The following PKP4 variants were observed in gnomAD, a reference collection of about 807,000 sequenced individuals.
The protein encoded by PKP4 is plakophilin 4, also known as plakophilin-4.
Under a neutral mutation model 145.1 loss-of-function variants are expected in PKP4, and 90 were observed. The ratio of observed to expected loss-of-function variants is 0.62; its 90% CI spans 0.52 to 0.74. PKP4 has a LOEUF of 0.74. PKP4 is among the 30% of genes least tolerant of loss of function. PKP4 has a pLI of 0.00. For synonymous variants in PKP4, 563 were observed against 577.2 expected, an observed-to-expected ratio of 0.98 and a Z score of 0.35; for missense variants, 1,340 against 1,482.7, an observed-to-expected ratio of 0.90 and a Z score of 1.58.
chr2:158,496,790 G>GTGTGTCTGTGTC (rs1553545780), intron 1 of PKP4, among the ~76,000 whole-genome samples: 8,091 of 149,776 alleles, frequency 0.054, 297 homozygotes, highest in Middle Eastern at 0.071. Context: ...GTGTGTGTGT[G>GTGTGTCTGTGTC]TGTGTCTGTG....
chr2:158,516,549 C>G (rs986155692), intron 1 of PKP4, among the ~76,000 whole-genome samples: 1 of 151,692 alleles, frequency 6.6e-6, no homozygotes. Flanking sequence ...GTGTAAATCC[C>G]AAGACACTGA....
chr2:158,603,239 G>C (rs1303526036), intron 4 of PKP4, 135 bp downstream of exon 4: 1 of 466,918 alleles, frequency 2.1e-6, no homozygotes, highest in Non-Finnish European at 3.9e-6. Flanking sequence ...CATTGCTTTG[G>C]AATAGTACTT....
intron 1 of PKP4, among the ~76,000 whole-genome samples, chr2:158,491,506 G>A (rs1694934618): frequency 6.6e-6 from 1 of 151,882 alleles, no homozygotes; most frequent in Non-Finnish European, 1.5e-5. Context: ...ATCCTCTTCT[G>A]TAAATTTTTT....
chr2:158,513,644 T>C (rs1259180933), intron 1 of PKP4, among the ~76,000 whole-genome samples: 2 of 152,154 alleles, frequency 1.3e-5, no homozygotes, highest in African/African-American at 2.4e-5. Context: ...CATCTAACTT[T>C]TACTCTCCTG....
intron 1 of PKP4, among the ~76,000 whole-genome samples, chr2:158,460,093 A>G (rs1455284632): frequency 2.0e-5 from 3 of 152,158 alleles, no homozygotes; most frequent in Non-Finnish European, 1.5e-5. Flanking sequence ...AATTATTTTA[A>G]TTTTTACCTG....
At chr2:158,469,992 C>G (rs1691296295) in intron 1 of PKP4, among the ~76,000 whole-genome samples, 1 of 152,110 alleles carries the variant, frequency 6.6e-6, no homozygotes. Context: ...CTCTGCCCAA[C>G]TCCAGATTTC....
At chr2:158,489,426 G>T (rs1694631544) in intron 1 of PKP4, among the ~76,000 whole-genome samples, 1 of 152,156 alleles carries the variant, frequency 6.6e-6, no homozygotes, top group Non-Finnish European at 1.5e-5. Context: ...TTCCTTGCTA[G>T]AAGAAAATGA....
Position 158,621,133 on chromosome 2 carries a change from T to C in PKP4, c.412+12T>C. 1 of 1,614,182 alleles carries C rather than the reference T, an allele frequency of 6.2e-7. No homozygotes were observed. Among genetic ancestry groups the C allele is most frequent in the East Asian group, 2.2e-5 (1 of 44,872 alleles). On this transcript the variant is annotated intron_variant, in intron 5 of 21. Coordinates refer to ENST00000389759, the MANE Select transcript of PKP4 (RefSeq NM_003628.6). The stretch of plus-strand genomic sequence containing the variant: ...CCATGAAAGTGAGGGTCTGTTGTGT[T>C]ATCTTTTAAGTACTGGATTTGCTTT...
intron 3 of PKP4, among the ~76,000 whole-genome samples, chr2:158,601,209 C>G (rs530631844): frequency 2.6e-4 from 39 of 152,222 alleles, no homozygotes; most frequent in African/African-American, 8.4e-4. Flanking sequence ...ATTCTGTGAC[C>G]TACAGTTTTG....
chr2:158,531,586 C>T (rs1368932553), intron 1 of PKP4, among the ~76,000 whole-genome samples: 1 of 152,096 alleles, frequency 6.6e-6, no homozygotes. Context: ...TTTTGTTTTA[C>T]ATCTCAATAA....
Position 158,634,180 on chromosome 2 carries a change from A to G in PKP4, c.1453A>G (p.Ile485Val), listed in dbSNP as rs1266136900. The G allele has an allele frequency of 1.2e-6, 2 of 1,614,124 alleles. No homozygotes were observed. The highest frequency in any genetic ancestry group is 1.3e-5 in the African/African-American group (1 of 75,038). The change falls in exon 9 of 22, where the codon ATA becomes GTA. Residue 485 changes from isoleucine (I) to valine (V), a missense_variant. Transcript: ENST00000389759. The stretch of plus-strand genomic sequence containing the variant: ...TACCTACGCGGAGCCCTACAGGCCT[A>G]TACAATACCGAGTGCAAGAGTGCAA... ...TATYAEPYRP[I>V]QYRVQECNYN...
intron 6 of PKP4, among the ~76,000 whole-genome samples, chr2:158,622,368 A>C (rs1031103339): frequency 2.0e-5 from 3 of 152,202 alleles, no homozygotes; most frequent in Non-Finnish European, 4.4e-5. Context: ...TTACCACTGT[A>C]TTCACATCAG....
At chr2:158,558,114 C>T (rs992136382) in intron 2 of PKP4, among the ~76,000 whole-genome samples, 3 of 152,168 alleles carry the variant, frequency 2.0e-5, no homozygotes, top group Non-Finnish European at 4.4e-5. Context: ...CCCTGTGCAC[C>T]ATATGACCAT....
At chr2:158,582,038 C>G (rs1414461958) in intron 3 of PKP4, among the ~76,000 whole-genome samples, 2 of 152,160 alleles carry the variant, frequency 1.3e-5, no homozygotes, top group African/African-American at 4.8e-5. Flanking sequence ...ATATATCAGA[C>G]CAGAAATAAT....
chr2:158,573,668 A>AAT (rs2105773373), intron 2 of PKP4, among the ~76,000 whole-genome samples: 1 of 152,056 alleles, frequency 6.6e-6, no homozygotes, highest in South Asian at 2.1e-4. Flanking sequence ...AAAAAAAAAA[A>AAT]AAGACTGTTT....
intron 17 of PKP4, among the ~76,000 whole-genome samples, chr2:158,670,653 G>T (rs561255702): frequency 2.6e-5 from 4 of 152,194 alleles, no homozygotes; most frequent in Non-Finnish European, 4.4e-5. Flanking sequence ...CTGTTCTGCA[G>T]GAACGTCTTC....
intron 1 of PKP4, among the ~76,000 whole-genome samples, chr2:158,477,062 T>A (rs1285579248): frequency 8.5e-6 from 1 of 117,236 alleles, no homozygotes; most frequent in African/African-American, 2.9e-5. Context: ...ATTGGACAAT[T>A]TTTTTTTTGC....
chr2:158,536,835 A>G lies in PKP4; in HGVS notation c.132+3519A>G, dbSNP rs190266373. ...GTTCAAACGCTGCGTTTTTGATGAA[A>G]CATACCCAGCCTGAAGTCAAATCTC... On this transcript the variant is annotated intron_variant, in intron 2 of 21. Coordinates refer to ENST00000389759, the MANE Select transcript of PKP4 (RefSeq NM_003628.6). Among the ~76,000 whole-genome samples the G allele has an allele frequency of 1.5e-4, 23 of 152,290 alleles. No individual in the cohort carries two copies. In the East Asian group the frequency reaches 4.4e-3, roughly 29 times the overall value.
At chr2:158,676,281 C>CTGT (rs1467551186) in intron 19 of PKP4, among the ~76,000 whole-genome samples, 1 of 152,204 alleles carries the variant, frequency 6.6e-6, no homozygotes, top group East Asian at 1.9e-4. Context: ...CATAAAACTT[C>CTGT]TGTTGGCTGA....
Sources: allele counts gnomAD v4.1 joint callset (sites outside exome capture counted in the v4.1 genomes callset), GRCh38; gene constraint gnomAD v4.1.1; transcripts MANE v1.5; gene names NCBI Gene and HGNC (gene_info 2026-07-23, HGNC 2026-07-21).